Variants in UBE2N observed in about 807,000 individuals in gnomAD.
The protein encoded by UBE2N is ubiquitin-conjugating enzyme E2 N.
For missense variants in UBE2N, 60 were observed against 192.1 expected, an observed-to-expected ratio of 0.31 and a Z score of 4.07; for synonymous variants, 70 against 69.2, an observed-to-expected ratio of 1.01 and a Z score of -0.06.
intron 1 of UBE2N, among the ~76,000 whole-genome samples, chr12:93,419,323 G>C (rs1447715338): frequency 1.3e-5 from 2 of 151,968 alleles, no homozygotes; most frequent in East Asian, 3.9e-4. Flanking sequence ...CTGGGAGACG[G>C]AGGTTGCAGT....
At chr12:93,439,893 T>TA (rs397802015) in intron 1 of UBE2N, among the ~76,000 whole-genome samples, 1 of 151,756 alleles carries the variant, frequency 6.6e-6, no homozygotes, top group East Asian at 1.9e-4. Flanking sequence ...TATGAGTTAC[T>TA]GTCTTAGTTT....
chr12:93,430,313 T>C (rs1486895750), intron 1 of UBE2N, among the ~76,000 whole-genome samples: 1 of 152,162 alleles, frequency 6.6e-6, no homozygotes, highest in Non-Finnish European at 1.5e-5. Context: ...TTTGTATAAA[T>C]ATACTCTATG....
intron 1 of UBE2N, among the ~76,000 whole-genome samples, chr12:93,434,718 T>TA (rs1030404937): frequency 5.3e-5 from 8 of 151,842 alleles, no homozygotes; most frequent in Admixed American, 5.2e-4. Flanking sequence ...AGTCATACGT[T>TA]AAAAAAAATA....
chr12:93,434,884 G>A (rs1878885057), intron 1 of UBE2N, among the ~76,000 whole-genome samples: 1 of 150,442 alleles, frequency 6.6e-6, no homozygotes, highest in Non-Finnish European at 1.5e-5. Context: ...TCATCATAAT[G>A]AGTTTGTATT....
chr12:93,431,005 A>G (rs1878751707), intron 1 of UBE2N, among the ~76,000 whole-genome samples: 1 of 151,292 alleles, frequency 6.6e-6, no homozygotes, highest in African/African-American at 2.4e-5. Context: ...AAGGCGGGCG[A>G]ATCACAAGGT....
chr12:93,441,681 C>A (rs1201181542), intron 1 of UBE2N, among the ~76,000 whole-genome samples, 174 bp downstream of exon 1: 1 of 152,014 alleles, frequency 6.6e-6, no homozygotes, highest in East Asian at 1.9e-4. Flanking sequence ...GAAGTCTCCC[C>A]GGCGCCCCCT....
chr12:93,432,719 T>C (rs1878807848), intron 1 of UBE2N, among the ~76,000 whole-genome samples: 1 of 152,088 alleles, frequency 6.6e-6, no homozygotes, highest in African/African-American at 2.4e-5. Context: ...GTGAAGGTAT[T>C]GAAAACTAAA....
At chr12:93,425,357 A>T (rs1383324777) in intron 1 of UBE2N, among the ~76,000 whole-genome samples, 1 of 152,238 alleles carries the variant, frequency 6.6e-6, no homozygotes, top group African/African-American at 2.4e-5. Context: ...AGTCATGAAA[A>T]GCAGCATTTC....
At chr12:93,410,402 C>T (rs1180939482) in intron 3 of UBE2N, 3 of 498,124 alleles carry the variant, frequency 6.0e-6, no homozygotes, top group Non-Finnish European at 1.1e-5. Flanking sequence ...TAGCCATAAA[C>T]AGCTGAATAC....
chr12:93,411,336 G>A, intron 1 of UBE2N, 37 bp from the exon 2 acceptor site: 7 of 1,559,054 alleles, frequency 4.5e-6, no homozygotes, highest in Non-Finnish European at 6.1e-6. Context: ...TGAAACAAAT[G>A]TCATTTTGCT....
chr12:93,419,321 C>T (rs1386057432), intron 1 of UBE2N, among the ~76,000 whole-genome samples: 2 of 151,286 alleles, frequency 1.3e-5, no homozygotes, highest in South Asian at 2.1e-4. Flanking sequence ...ACCTGGGAGA[C>T]GGAGGTTGCA....
intron 1 of UBE2N, among the ~76,000 whole-genome samples, chr12:93,411,585 GTAAAA>G (rs1878031843): frequency 6.6e-6 from 1 of 152,112 alleles, no homozygotes; most frequent in Non-Finnish European, 1.5e-5. Context: ...TTTTACTCAA[GTAAAA>G]TAAAGTAACA....
intron 1 of UBE2N, among the ~76,000 whole-genome samples, chr12:93,433,470 T>C (rs868329896): frequency 2.3e-4 from 35 of 152,200 alleles, no homozygotes; most frequent in African/African-American, 8.4e-4. Flanking sequence ...TATTATTTAA[T>C]TGCCTAATTG....
At chr12:93,421,558 AG>A (rs1878412166) in intron 1 of UBE2N, among the ~76,000 whole-genome samples, 1 of 152,206 alleles carries the variant, frequency 6.6e-6, no homozygotes, top group Admixed American at 6.5e-5. Context: ...GGGAGTTAAA[AG>A]GGCTATTTTC....
intron 1 of UBE2N, among the ~76,000 whole-genome samples, chr12:93,429,051 C>A (rs1878673864): frequency 6.6e-6 from 1 of 152,044 alleles, no homozygotes; most frequent in African/African-American, 2.4e-5. Context: ...GCGGGCGGAT[C>A]ACGAGGTCAG....
chr12:93,417,830 G>GA lies in UBE2N; in HGVS notation c.31-6532dup, dbSNP rs562403264. Among the ~76,000 whole-genome samples, 460 of 151,590 alleles carry GA rather than the reference G, an allele frequency of 3.0e-3. 4 individuals are homozygous for GA. The highest frequency in any genetic ancestry group is 0.01 in the African/African-American group (431 of 41,316). On this transcript the variant is annotated intron_variant, in intron 1 of 3. Transcript: ENST00000318066. The stretch of plus-strand genomic sequence containing the variant: ...GTTCTGGACAAAGTTGTGTGTTATA[G>GA]AAAAAAAATTTAAATAAAGAAAAAA...
intron 1 of UBE2N, among the ~76,000 whole-genome samples, chr12:93,438,565 A>C (rs1437619323): frequency 6.6e-6 from 1 of 151,476 alleles, no homozygotes; most frequent in Non-Finnish European, 1.5e-5. Context: ...GCAGGGCCTT[A>C]TAGCTAAGGG....
chr12:93,413,596 C>T (rs1195239534), intron 1 of UBE2N, among the ~76,000 whole-genome samples: 1 of 152,138 alleles, frequency 6.6e-6, no homozygotes, highest in African/African-American at 2.4e-5. Context: ...ATAAAGTCTT[C>T]CCCACATCAG....
At chr12:93,441,624 G>T (rs867663151) in intron 1 of UBE2N, among the ~76,000 whole-genome samples, 73 of 151,940 alleles carry the variant, frequency 4.8e-4, no homozygotes, top group African/African-American at 1.7e-3. Flanking sequence ...CCGGGCAGCC[G>T]CCTGGAAGCC....
Sources: gnomAD v4.1 joint callset for allele counts (sites outside exome capture counted in the v4.1 genomes callset) on GRCh38, gnomAD v4.1.1 for gene constraint, MANE v1.5 for transcripts, NCBI Gene and HGNC (gene_info 2026-07-23, HGNC 2026-07-21) for gene names.